The following THSD1 variants were observed in gnomAD, a reference collection of about 807,000 sequenced individuals.
The protein encoded by THSD1 is thrombospondin type 1 domain containing 1, also known as thrombospondin type-1 domain-containing protein 1.
In THSD1, 34 loss-of-function variants were observed where a neutral mutation model predicts 46.3. The ratio of observed to expected loss-of-function variants is 0.74; its 90% confidence interval spans 0.56 to 0.98. The LOEUF is 0.98. Ranked by LOEUF, THSD1 falls within the 50% of genes least tolerant of loss-of-function variation. The pLI, the probability that THSD1 is intolerant of heterozygous loss-of-function variation, is 0.00. For missense variants in THSD1, 1,023 were observed against 1,058.3 expected (o/e 0.97, Z 0.46); for synonymous variants, 407 against 416.5 (o/e 0.98, Z 0.28).
In THSD1 at chr13:52,397,377, G is replaced by A; in HGVS notation, c.876C>T (p.Asn292=). The A allele has an allele frequency of 6.2e-7, 1 of 1,614,156 alleles. No individual in the cohort carries two copies. Among genetic ancestry groups the A allele is most frequent in the Non-Finnish European group, 8.5e-7 (1 of 1,180,034 alleles). ...PGKRTIHLAE[N]SLPLGERRTI... ...TCCTCCTCTCTCCCAGGGGCAGGCT[G>A]TTTTCAGCCAAGTGAATGGTCCTCT... The change falls in exon 3 of 5, where the codon AAC becomes AAT. Residue 292 remains asparagine, a synonymous_variant. Transcript: ENST00000258613.
In THSD1 at chr13:52,377,824, T is replaced by C. The variant is rs374761282; in HGVS notation, c.2146A>G (p.Ser716Gly). Reference protein sequence around the residue: ...PEKLEHFQEASGTRGPLNPLP... With the variant: ...PEKLEHFQEAGGTRGPLNPLP... ...GGGTTTAATGGACCACGGGTTCCAC[T>C]TGCCTCTTGGAAATGCTCCAGTTTT... is the stretch of plus-strand genomic sequence containing the variant. Residue 716 changes from serine (S) to glycine (G), a missense_variant, in exon 5 of 5, where the codon AGT becomes GGT. Around this residue, in one of 3 missense-constraint regions of THSD1, gnomAD observed 578 missense variants for 497.4 expected, o/e 1.16. Transcript: ENST00000258613. 39 of 1,614,212 alleles carry C rather than the reference T, an allele frequency of 2.4e-5. No homozygotes were observed. The East Asian group carries it at 3.6e-4, about 15-fold the overall frequency.
At chr13:52,396,572 T>G (rs1957813960) in intron 3 of THSD1, among the ~76,000 whole-genome samples, 4 of 152,122 alleles carry the variant, frequency 2.6e-5, no homozygotes. Context: ...CGAGACCATT[T>G]CTGCCAAATT....
chr13:52,405,676 T>C (rs1485568918), intron 1 of THSD1, among the ~76,000 whole-genome samples: 1 of 152,222 alleles, frequency 6.6e-6, no homozygotes, highest in South Asian at 2.1e-4. Context: ...TTAATTTAAT[T>C]TAATCCTTGT....
intron 3 of THSD1, among the ~76,000 whole-genome samples, chr13:52,396,122 A>G (rs984816836): frequency 6.6e-6 from 1 of 152,206 alleles, no homozygotes; most frequent in African/African-American, 2.4e-5. Context: ...GAGAAAGCCA[A>G]AGGAAAGGGA....
intron 3 of THSD1, among the ~76,000 whole-genome samples, chr13:52,386,416 G>A (rs779162169): frequency 2.6e-5 from 4 of 152,070 alleles, no homozygotes; most frequent in Non-Finnish European, 5.9e-5. Flanking sequence ...AGCTGAGGTC[G>A]CAGGACAACT....
At chr13:52,404,749 T>G (rs572956384) in intron 1 of THSD1, among the ~76,000 whole-genome samples, 3 of 152,358 alleles carry the variant, frequency 2.0e-5, no homozygotes, top group African/African-American at 7.2e-5. Flanking sequence ...TCCCAAAAGT[T>G]GAACTGGCTT....
chr13:52,378,537 A>G lies in THSD1; in HGVS notation c.1433T>C (p.Phe478Ser), dbSNP rs773168455. 1 of 1,614,014 alleles carries G rather than the reference A, an allele frequency of 6.2e-7. No individual in the cohort carries two copies. The highest frequency in any genetic ancestry group is 1.1e-5 in the South Asian group (1 of 91,064). The change falls in exon 5 of 5, where the codon TTC becomes TCC. Residue 478 changes from phenylalanine (F) to serine (S), a missense_variant. Phe to Ser is a radical substitution (Grantham distance 155). Coordinates refer to ENST00000258613, the MANE Select transcript of THSD1 (RefSeq NM_018676.4). The stretch of plus-strand genomic sequence containing the variant: ...CGTGGGCCCGTCTCCCCCATCCGAG[A>G]AGCTCCCGCGCTGCTCGCTCAGCTC... ...ICELSEQRGSFSDGGDGPTGS... is the reference protein window; with the variant it reads ...ICELSEQRGSSSDGGDGPTGS...
intron 3 of THSD1, among the ~76,000 whole-genome samples, chr13:52,392,134 G>A (rs542502251): frequency 6.3e-4 from 94 of 149,078 alleles, no homozygotes; most frequent in African/African-American, 2.3e-3. Flanking sequence ...GGAGCTTGCG[G>A]TGAGCCGAGA....
rs757842775 is a variant in THSD1 at position 52,377,804 on chromosome 13, T to A, written c.2166A>T (p.Leu722Phe). The A allele has an allele frequency of 1.3e-5, 21 of 1,614,066 alleles. No homozygotes were observed. The highest frequency in any genetic ancestry group is 1.7e-5 in the Admixed American group (1 of 59,992). The change falls in exon 5 of 5, where the codon TTA becomes TTT. Residue 722 changes from leucine (L) to phenylalanine (F), a missense_variant. Around this residue, in one of 3 missense-constraint regions of THSD1, gnomAD observed 578 missense variants for 497.4 expected, o/e 1.16. Transcript: ENST00000258613. ...FQEASGTRGP[L>F]NPLPKSYTLG... is the part of the protein sequence containing the mutation. ...AAGTGTAGGATTTAGGGAGAGGGTTTAATGGACCACGGGTTCCACTTGCCT... is the reference window on the plus strand; with the variant it reads ...AAGTGTAGGATTTAGGGAGAGGGTTAAATGGACCACGGGTTCCACTTGCCT...
At chr13:52,379,764 C>T (rs754355182) in intron 4 of THSD1, among the ~76,000 whole-genome samples, 10 of 152,132 alleles carry the variant, frequency 6.6e-5, no homozygotes, top group Non-Finnish European at 1.2e-4. Flanking sequence ...TGAGCCACTG[C>T]GCCCAGCCAG....
intron 4 of THSD1, among the ~76,000 whole-genome samples, chr13:52,383,863 G>C (rs1226913325): frequency 6.6e-6 from 1 of 152,170 alleles, no homozygotes; most frequent in East Asian, 1.9e-4. Flanking sequence ...TTACCTTTTT[G>C]CTAACTTAGA....
rs773080927 is a variant in THSD1 at position 52,378,577 on chromosome 13, C to T, written c.1393G>A (p.Glu465Lys). The T allele has an allele frequency of 7.4e-6, 12 of 1,614,042 alleles. No homozygotes were observed. The highest frequency in any genetic ancestry group is 2.2e-5 in the South Asian group (2 of 91,084). The change falls in exon 5 of 5, where the codon GAG becomes AAG. Residue 465 changes from glutamate to lysine, a missense_variant. Coordinates refer to ENST00000258613, the MANE Select transcript of THSD1 (RefSeq NM_018676.4). Reference sequence around the variant, plus strand: ...TCGCTCAGCTCGCAGATATTCTCCTCGTCCGAGTTCTTCCGGAAGCTGGGG... The same window carrying T: ...TCGCTCAGCTCGCAGATATTCTCCTTGTCCGAGTTCTTCCGGAAGCTGGGG... Reference protein sequence around the residue: ...HSPSFRKNSDEENICELSEQR... With the variant: ...HSPSFRKNSDKENICELSEQR...
chr13:52,384,460 T>G lies in THSD1; in HGVS notation c.1180+1568A>C, dbSNP rs567214383. The G allele has an allele frequency of 1.8e-4, 80 of 454,986 alleles. 1 individual carries two copies. Among genetic ancestry groups the G allele is most frequent in the African/African-American group, 1.3e-3 (67 of 50,124 alleles). The allele number at this position is 454,986 out of a possible 1,614,324, so 28.2% of individuals were successfully genotyped here. A position where few individuals can be genotyped will look rare whatever the true frequency, so the allele number is the denominator to read the frequency against. The stretch of plus-strand genomic sequence containing the variant: ...GAAATAAGAATATGCCTACTTTATG[T>G]GTGCAAGGTCCTTAGAAAAATGCCT... On this transcript the variant is annotated intron_variant, in intron 4 of 4. Transcript: ENST00000258613.
chr13:52,402,711 T>A, intron 1 of THSD1, 30 bp from the exon 2 acceptor site: 7 of 1,523,272 alleles, frequency 4.6e-6, no homozygotes, highest in Non-Finnish European at 6.2e-6. Context: ...AAATGATGGC[T>A]CCGTTCAATG....
intron 2 of THSD1, among the ~76,000 whole-genome samples, chr13:52,399,409 C>G (rs577527239): frequency 6.6e-6 from 1 of 152,288 alleles, no homozygotes; most frequent in Non-Finnish European, 1.5e-5. Flanking sequence ...GTTTGAAAAA[C>G]AACTTGTGGA....
At chr13:52,385,988 GCTCTGAGGAGAGA>G in intron 4 of THSD1, 27 bp downstream of exon 4, 1 of 1,595,502 alleles carries the variant, frequency 6.3e-7, no homozygotes, top group Non-Finnish European at 8.6e-7. Flanking sequence ...TCTGATGAAG[GCTCTGAGGAGAGA>G]CTCCCGAAGG....
chr13:52,379,258 A>C (rs550256718), intron 4 of THSD1, among the ~76,000 whole-genome samples: 1 of 152,332 alleles, frequency 6.6e-6, no homozygotes, highest in Non-Finnish European at 1.5e-5. Context: ...GATGGAAAAT[A>C]AACAAGGACT....
At chr13:52,401,259 C>A (rs996855973) in intron 2 of THSD1, among the ~76,000 whole-genome samples, 14 of 151,836 alleles carry the variant, frequency 9.2e-5, no homozygotes, top group Non-Finnish European at 1.5e-5. Flanking sequence ...AGGCGTGAGC[C>A]ACTGCATCCA....
At chr13:52,378,963 A>G (rs1480497922) in intron 4 of THSD1, among the ~76,000 whole-genome samples, 174 bp from the exon 5 acceptor site, 2 of 151,378 alleles carry the variant, frequency 1.3e-5, no homozygotes, top group East Asian at 3.9e-4. Context: ...CCCAGGCTCA[A>G]ACAATTCTCC....
Sources: gnomAD v4.1 joint callset for allele counts (sites outside exome capture counted in the v4.1 genomes callset) on GRCh38, gnomAD v4.1.1 for gene constraint, gnomAD v4.1.1 regional missense constraint, MANE v1.5 for transcripts, NCBI Gene and HGNC (gene_info 2026-07-23, HGNC 2026-07-21) for gene names.